The following PAQR5 variants were observed in gnomAD, a reference collection of about 807,000 sequenced individuals.
PAQR5 encodes the protein progestin and adipoQ receptor family member 5.
PAQR5 carries 20 observed loss-of-function variants against 34.5 expected under a neutral mutation model. That is an observed-to-expected ratio of 0.58 (90% CI 0.41 to 0.84). The LOEUF (loss-of-function observed/expected upper bound fraction) is 0.84. Among genes scored for constraint, PAQR5 ranks in the 40% least tolerant of loss-of-function variants. The probability of loss-of-function intolerance (pLI) is 0.00; values close to 1 mark genes in which losing one functional copy is unlikely to be tolerated. For missense variants in PAQR5, 378 were observed against 412.7 expected (o/e 0.92, Z 0.73); for synonymous variants, 131 against 155.6 (o/e 0.84, Z 1.18).
intron 3 of PAQR5, among the ~76,000 whole-genome samples, chr15:69,364,305 T>A (rs1010246042): frequency 1.3e-4 from 20 of 151,702 alleles, no homozygotes; most frequent in Non-Finnish European, 1.2e-4. Context: ...AATTACCTGG[T>A]AGCTTATTAA....
At chr15:69,365,886 AG>A (rs2055389816) in intron 3 of PAQR5, among the ~76,000 whole-genome samples, 1 of 152,222 alleles carries the variant, frequency 6.6e-6, no homozygotes, top group Non-Finnish European at 1.5e-5. Flanking sequence ...GGAGTTATGC[AG>A]GGAACAACTT....
At chr15:69,394,928 T>C (rs1218850168) in intron 6 of PAQR5, among the ~76,000 whole-genome samples, 1 of 152,244 alleles carries the variant, frequency 6.6e-6, no homozygotes, top group Non-Finnish European at 1.5e-5. Context: ...GACCCGGCTT[T>C]GCAGCTGGAG....
intron 1 of PAQR5, among the ~76,000 whole-genome samples, chr15:69,319,129 A>G (rs915995772): frequency 6.8e-6 from 1 of 146,160 alleles, no homozygotes; most frequent in African/African-American, 2.5e-5. Context: ...GCGAGACTCC[A>G]TTTCAAAAAA....
intron 2 of PAQR5, among the ~76,000 whole-genome samples, chr15:69,353,120 C>G (rs2054968570): frequency 6.6e-6 from 1 of 152,202 alleles, no homozygotes. Flanking sequence ...CTTCCACTCA[C>G]TGAGGCCAAC....
At chr15:69,307,073 T>A (rs187608532) in intron 1 of PAQR5, among the ~76,000 whole-genome samples, 76 of 149,424 alleles carry the variant, frequency 5.1e-4, no homozygotes, top group Middle Eastern at 3.4e-3. Context: ...TAAGGCTGCA[T>A]AATATTCCAT....
rs779390925 is a variant in PAQR5, at chr15:69,360,044, C to T, written c.-37C>T. The T allele has an allele frequency of 2.0e-5, 32 of 1,582,858 alleles. No homozygotes were observed. Among genetic ancestry groups the T allele is most frequent in the African/African-American group, 2.7e-5 (2 of 74,120 alleles). ...TGAGTGAGGCCTGGTAACAGGGAGG[C>T]GCTGTCACCTACTGGCCTTGCCAAT... On this transcript the variant is annotated 5_prime_UTR_variant, in exon 3 of 9. Transcript: ENST00000395407.
chr15:69,335,040 T>C (rs2054479204), intron 1 of PAQR5, among the ~76,000 whole-genome samples: 2 of 151,928 alleles, frequency 1.3e-5, no homozygotes, highest in African/African-American at 2.4e-5. Flanking sequence ...CTGGCCAACA[T>C]GGTGAAACCC....
chr15:69,304,050 G>A (rs2053661901), intron 1 of PAQR5, among the ~76,000 whole-genome samples: 1 of 152,202 alleles, frequency 6.6e-6, no homozygotes, highest in Non-Finnish European at 1.5e-5. Flanking sequence ...AAATTAGGGA[G>A]GAAGGAGACA....
chr15:69,375,076 T>G (rs2055670106), intron 3 of PAQR5, among the ~76,000 whole-genome samples: 1 of 152,208 alleles, frequency 6.6e-6, no homozygotes, highest in Non-Finnish European at 1.5e-5. Flanking sequence ...CCGCTCATAT[T>G]AGTTTGCTAG....
At chr15:69,372,119 A>C (rs961259309) in intron 3 of PAQR5, among the ~76,000 whole-genome samples, 1 of 152,216 alleles carries the variant, frequency 6.6e-6, no homozygotes, top group Non-Finnish European at 1.5e-5. Context: ...TTGACAGCCT[A>C]ATCAATTTTA....
chr15:69,338,474 T>C (rs1286028852), intron 2 of PAQR5, among the ~76,000 whole-genome samples: 2 of 152,210 alleles, frequency 1.3e-5, no homozygotes, highest in African/African-American at 2.4e-5. Flanking sequence ...AGAGCACTAA[T>C]GTTTTTCCCA....
chr15:69,357,041 A>G (rs527550525), intron 2 of PAQR5, among the ~76,000 whole-genome samples: 22 of 151,896 alleles, frequency 1.4e-4, no homozygotes, highest in Non-Finnish European at 1.3e-4. Context: ...AGTGCGTGGC[A>G]TCTCCCCACC....
intron 1 of PAQR5, among the ~76,000 whole-genome samples, chr15:69,326,496 C>T (rs1229959274): frequency 6.7e-6 from 1 of 149,142 alleles, no homozygotes; most frequent in African/African-American, 2.5e-5. Context: ...AGTGCAATGG[C>T]ATAATCTTGG....
At chr15:69,371,845 CA>C (rs2055571931) in intron 3 of PAQR5, among the ~76,000 whole-genome samples, 2 of 152,180 alleles carry the variant, frequency 1.3e-5, no homozygotes, top group Admixed American at 1.3e-4. Flanking sequence ...TATCTCATAA[CA>C]AATATCAGTT....
intron 1 of PAQR5, among the ~76,000 whole-genome samples, chr15:69,300,634 TTTC>T (rs1566985354): frequency 2.7e-4 from 12 of 44,356 alleles, no homozygotes; most frequent in Non-Finnish European, 5.1e-4. Context: ...TCTTTCTTTC[TTTC>T]TTTCTTTCTT....
intron 1 of PAQR5, among the ~76,000 whole-genome samples, chr15:69,304,001 G>A (rs1396984824): frequency 1.3e-5 from 2 of 152,238 alleles, no homozygotes; most frequent in Non-Finnish European, 2.9e-5. Context: ...CAGAAATTAG[G>A]CCTTGAAGGA....
intron 3 of PAQR5, among the ~76,000 whole-genome samples, chr15:69,360,829 A>T (rs2055212484): frequency 6.6e-6 from 1 of 152,162 alleles, no homozygotes; most frequent in African/African-American, 2.4e-5. Context: ...CATGGTGGGA[A>T]GTTTCTTTGG....
chr15:69,373,007 G>A (rs2140894518), intron 3 of PAQR5, among the ~76,000 whole-genome samples: 1 of 152,264 alleles, frequency 6.6e-6, no homozygotes, highest in South Asian at 2.1e-4. Context: ...TGGGGAGAAT[G>A]TCTCCTTACC....
chr15:69,328,414 G>A (rs1250416010), intron 1 of PAQR5, among the ~76,000 whole-genome samples: 2 of 152,336 alleles, frequency 1.3e-5, no homozygotes. Flanking sequence ...GTGTGACCCT[G>A]AAGTCTGGTC....
Sources: allele counts gnomAD v4.1 joint callset (sites outside exome capture counted in the v4.1 genomes callset), GRCh38; gene constraint gnomAD v4.1.1; transcripts MANE v1.5; gene names NCBI Gene and HGNC (gene_info 2026-07-23, HGNC 2026-07-21).